Variants in CSMD1 observed in about 807,000 individuals in gnomAD.
CSMD1 encodes the protein CUB and sushi domain-containing protein 1.
A neutral mutation model predicts 417.5 loss-of-function variants in CSMD1; 213 were observed. The ratio of observed to expected loss-of-function variants is 0.51; its 90% CI spans 0.46 to 0.57. The LOEUF is 0.57. Ranked by LOEUF, CSMD1 falls within the 20% of genes least tolerant of loss-of-function variation. CSMD1 has a pLI of 0.00. For missense variants in CSMD1, 6,923 were observed against 4,529.7 expected (o/e 1.53, Z -15.17); for synonymous variants, 2,862 against 1,736.8 (o/e 1.65, Z -16.11).
intron 7 of CSMD1, among the ~76,000 whole-genome samples, chr8:3,686,072 C>G (rs1799929966): frequency 6.8e-6 from 1 of 147,804 alleles, no homozygotes; most frequent in African/African-American, 2.5e-5. Flanking sequence ...CTATTCTTAT[C>G]AGCCTCTGAT....
intron 3 of CSMD1, among the ~76,000 whole-genome samples, chr8:4,262,457 G>A (rs1285288379): frequency 6.6e-6 from 1 of 152,202 alleles, no homozygotes; most frequent in Non-Finnish European, 1.5e-5. Context: ...CGCAGTGCAG[G>A]CAAAGACAGA....
chr8:3,499,467 A>C (rs868838965), intron 10 of CSMD1, among the ~76,000 whole-genome samples: 1 of 152,036 alleles, frequency 6.6e-6, no homozygotes, highest in Non-Finnish European at 1.5e-5. Flanking sequence ...CCTGGGGAGC[A>C]TGTGTGAGCA....
chr8:3,438,163 T>A (rs941531661), intron 12 of CSMD1, among the ~76,000 whole-genome samples: 1 of 152,240 alleles, frequency 6.6e-6, no homozygotes, highest in Non-Finnish European at 1.5e-5. Flanking sequence ...GGTTTTATTA[T>A]TTTTAACAAA....
intron 4 of CSMD1, among the ~76,000 whole-genome samples, chr8:4,008,730 C>A (rs1816326755): frequency 1.3e-5 from 2 of 150,742 alleles, no homozygotes; most frequent in Admixed American, 1.3e-4. Context: ...CCTGCCTCAG[C>A]CTCCTGAGTA....
intron 10 of CSMD1, among the ~76,000 whole-genome samples, chr8:3,496,695 G>A (rs534128938): frequency 9.2e-5 from 14 of 152,168 alleles, no homozygotes; most frequent in South Asian, 4.2e-4. Flanking sequence ...GCATGGTGGC[G>A]TGTGCCTATA....
At chr8:4,089,234 G>A (rs1018747068) in intron 3 of CSMD1, among the ~76,000 whole-genome samples, 2 of 152,128 alleles carry the variant, frequency 1.3e-5, no homozygotes, top group East Asian at 1.9e-4. Context: ...TAAGGACATG[G>A]GTCATGTCCA....
intron 2 of CSMD1, among the ~76,000 whole-genome samples, chr8:4,559,426 G>C (rs1332671304): frequency 6.6e-6 from 1 of 152,170 alleles, no homozygotes; most frequent in African/African-American, 2.4e-5. Flanking sequence ...GGCATTTGGA[G>C]GCTTTATGAA....
At chr8:4,638,630 G>C (rs143346123) in intron 1 of CSMD1, among the ~76,000 whole-genome samples, 1 of 152,260 alleles carries the variant, frequency 6.6e-6, no homozygotes, top group African/African-American at 2.4e-5. Context: ...GAGTTCCAAA[G>C]AGCAGTAAGT....
At chr8:4,101,886 A>C (rs1347235446) in intron 3 of CSMD1, among the ~76,000 whole-genome samples, 1 of 152,158 alleles carries the variant, frequency 6.6e-6, no homozygotes, top group African/African-American at 2.4e-5. Flanking sequence ...TCTTGTTAAC[A>C]ACTACTATCT....
At chr8:3,298,027 C>G (rs1291679391) in intron 25 of CSMD1, among the ~76,000 whole-genome samples, 4 of 152,020 alleles carry the variant, frequency 2.6e-5, no homozygotes, top group African/African-American at 4.8e-5. Flanking sequence ...CAGGGAAATG[C>G]AAATAAAAAG....
At chr8:4,003,516 T>G (rs1259446980) in intron 4 of CSMD1, among the ~76,000 whole-genome samples, 1 of 152,094 alleles carries the variant, frequency 6.6e-6, no homozygotes, top group East Asian at 1.9e-4. Context: ...AAGAGTGAAT[T>G]CTAGAACAAA....
intron 6 of CSMD1, among the ~76,000 whole-genome samples, chr8:3,731,088 A>C (rs1248653611): frequency 1.3e-5 from 2 of 152,190 alleles, no homozygotes; most frequent in African/African-American, 2.4e-5. Flanking sequence ...CTTTCTTCCC[A>C]ATCAAGTTTA....
intron 5 of CSMD1, among the ~76,000 whole-genome samples, chr8:3,840,870 T>A (rs1803091249): frequency 6.6e-6 from 1 of 151,786 alleles, no homozygotes; most frequent in Non-Finnish European, 1.5e-5. Context: ...ACTACGCCCA[T>A]TAATTTTTGT....
At chr8:4,137,990 G>A (rs902166540) in intron 3 of CSMD1, among the ~76,000 whole-genome samples, 19 of 142,788 alleles carry the variant, frequency 1.3e-4, no homozygotes, top group Middle Eastern at 7.8e-3. Flanking sequence ...CCATTCTCCC[G>A]CCTCAGCCTC....
In CSMD1 at chr8:4,543,671, G is replaced by GA. The variant is rs35739254; in HGVS notation, c.302+93670dup. ...ATATGGGAAGGACACGTTTAATTTT[G>GA]AAAAAAAAAAAAAAAAAAAAAAAAA... On this transcript the variant is annotated intron_variant, in intron 2 of 69. Transcript: ENST00000635120. 5.9e-3 allele frequency among the ~76,000 whole-genome samples: 336 copies of GA among 57,336 alleles called. 7 individuals carry two copies. Among genetic ancestry groups the GA allele is most frequent in the East Asian group, 0.016 (25 of 1,522 alleles). The allele number at this position is 57,336 out of a possible 152,430, so 37.6% of individuals were successfully genotyped here.
intron 11 of CSMD1, among the ~76,000 whole-genome samples, chr8:3,471,074 G>A (rs1440573633): frequency 1.3e-5 from 2 of 152,162 alleles, no homozygotes; most frequent in Non-Finnish European, 2.9e-5. Flanking sequence ...ATCATGTTGA[G>A]TATTTAAAGA....
At chr8:4,650,887 T>G (rs1479439519) in intron 1 of CSMD1, among the ~76,000 whole-genome samples, 1 of 152,214 alleles carries the variant, frequency 6.6e-6, no homozygotes, top group Admixed American at 6.5e-5. Context: ...AACAGAAGTG[T>G]TGATCTATTT....
chr8:4,396,746 G>C (rs1213079521), intron 3 of CSMD1, among the ~76,000 whole-genome samples: 1 of 152,096 alleles, frequency 6.6e-6, no homozygotes, highest in Non-Finnish European at 1.5e-5. Flanking sequence ...GATGGAAATG[G>C]AGACAATTAC....
intron 2 of CSMD1, among the ~76,000 whole-genome samples, chr8:4,557,734 G>T (rs73498652): frequency 2.6e-5 from 4 of 151,800 alleles, no homozygotes; most frequent in Non-Finnish European, 4.4e-5. Flanking sequence ...TACAGCAAAG[G>T]GTCAATTTCA....
Sources: gnomAD v4.1 joint callset for allele counts (sites outside exome capture counted in the v4.1 genomes callset) on GRCh38, gnomAD v4.1.1 for gene constraint, MANE v1.5 for transcripts, NCBI Gene and HGNC (gene_info 2026-07-23, HGNC 2026-07-21) for gene names.